The following CUEDC1 variants were observed in gnomAD, a reference collection of about 807,000 sequenced individuals.
CUEDC1 encodes CUE domain-containing protein 1.
Under a neutral mutation model 43.7 loss-of-function variants are expected in CUEDC1, and 30 were observed. The observed-to-expected ratio is 0.69, with a 90% CI of 0.51 to 0.93. The LOEUF is 0.93. CUEDC1 is among the 40% of genes least tolerant of loss of function. CUEDC1 has a pLI of 0.00. For synonymous variants in CUEDC1, 223 were observed against 223.6 expected, an observed-to-expected ratio of 1.00 and a Z score of 0.02; for missense variants, 486 against 549.0, an observed-to-expected ratio of 0.89 and a Z score of 1.15.
At chr17:57,873,230 T>C (rs2074061132) in intron 4 of CUEDC1, among the ~76,000 whole-genome samples, 1 of 152,178 alleles carries the variant, frequency 6.6e-6, no homozygotes, top group Non-Finnish European at 1.5e-5. Context: ...GTGGGGCACC[T>C]TGGGGCATGC....
chr17:57,909,424 A>G (rs1470759482), intron 1 of CUEDC1, among the ~76,000 whole-genome samples: 2 of 152,244 alleles, frequency 1.3e-5, no homozygotes, highest in African/African-American at 4.8e-5. Context: ...CTGATTCACT[A>G]TAACTGGAAG....
intron 1 of CUEDC1, among the ~76,000 whole-genome samples, chr17:57,904,726 A>G (rs1208412538): frequency 6.6e-6 from 1 of 152,104 alleles, no homozygotes; most frequent in East Asian, 1.9e-4. Flanking sequence ...TACAAAGTAA[A>G]TGGCCCTAGG....
chr17:57,888,246 C>T lies in CUEDC1; in HGVS notation c.-315-2367G>A, dbSNP rs1053572237. Among the ~76,000 whole-genome samples the T allele has an allele frequency of 2.6e-5, 4 of 152,186 alleles. No individual in the cohort carries two copies. The South Asian group carries it at 6.2e-4, about 24-fold the overall frequency. ...TACCACCATAAATGAATTTATTTTA[C>T]TAAAATGTAATCAAACCATAAATCC... is the stretch of plus-strand genomic sequence containing the variant. On this transcript the variant is annotated intron_variant, in intron 1 of 10. Coordinates refer to ENST00000577830, the MANE Select transcript of CUEDC1 (RefSeq NM_001271875.2).
chr17:57,947,924 T>C (rs1219050008), intron 1 of CUEDC1, among the ~76,000 whole-genome samples: 1 of 152,176 alleles, frequency 6.6e-6, no homozygotes, highest in Non-Finnish European at 1.5e-5. Context: ...CAAAGAAGTA[T>C]AAATGTTGAG....
chr17:57,894,529 A>C lies in CUEDC1; in HGVS notation c.-315-8650T>G, dbSNP rs1053405849. Among the ~76,000 whole-genome samples the C allele has an allele frequency of 2.0e-5, 3 of 151,504 alleles. No individual in the cohort carries two copies. In the East Asian group the frequency reaches 5.8e-4, roughly 30 times the overall value. ...CTACTGAAAATACAAAAATTAGCCC[A>C]GTGTGGTGGCGCATGCCTGTAATCC... On this transcript the variant is annotated intron_variant, in intron 1 of 10. Transcript: ENST00000577830.
chr17:57,863,445 G>A (rs1251524579), intron 10 of CUEDC1, 160 bp from the exon 11 acceptor site: 1 of 152,194 alleles, frequency 6.6e-6, no homozygotes, highest in African/African-American at 2.4e-5. Flanking sequence ...AACTCTGCCT[G>A]GGTCATCCCC....
At position 57,862,855 on chromosome 17, in the gene CUEDC1, G is replaced by A. The variant is rs999772962; in HGVS notation, c.*434C>T. 3.9e-5 allele frequency: 6 copies of A among 152,454 alleles called. No individual in the cohort carries two copies. Among genetic ancestry groups the A allele is most frequent in the Admixed American group, 3.9e-4 (6 of 15,282 alleles). The allele number at this position is 152,454 out of a possible 1,614,324, so 9.4% of individuals were successfully genotyped here. On this transcript the variant is annotated 3_prime_UTR_variant, in exon 11 of 11. Coordinates refer to ENST00000577830, the MANE Select transcript of CUEDC1 (RefSeq NM_001271875.2). ...GGGGGTCAGGCAGAGTCTGTGACAGGAGAGATAGAGAACGGACGGAGGCAG... is the reference window on the plus strand; with the variant it reads ...GGGGGTCAGGCAGAGTCTGTGACAGAAGAGATAGAGAACGGACGGAGGCAG...
chr17:57,905,482 C>T (rs572047486), intron 1 of CUEDC1, among the ~76,000 whole-genome samples: 3 of 152,156 alleles, frequency 2.0e-5, no homozygotes, highest in Non-Finnish European at 2.9e-5. Context: ...CTGAGGCTGG[C>T]GGGGAAGATG....
At chr17:57,902,259 G>A (rs2074480490) in intron 1 of CUEDC1, among the ~76,000 whole-genome samples, 1 of 151,982 alleles carries the variant, frequency 6.6e-6, no homozygotes, top group Non-Finnish European at 1.5e-5. Flanking sequence ...AACCTGGGAG[G>A]CGGAGGTTGC....
Position 57,955,016 on chromosome 17 carries a change from G to C in CUEDC1, c.-316+209C>G, listed in dbSNP as rs2075043371. On this transcript the variant is annotated intron_variant, in intron 1 of 10. Coordinates refer to ENST00000577830, the MANE Select transcript of CUEDC1 (RefSeq NM_001271875.2). The surrounding 1 kb of genome is among the most constrained non-coding windows in gnomAD (Gnocchi z 5.3). ...GGCTCGGGAAGGAAGGGCGGGCGGG[G>C]ACCTGCCGCACGCGGAGCTCCCGGG... 6.6e-6 allele frequency among the ~76,000 whole-genome samples: 1 copy of C among 151,342 alleles called. No individual in the cohort carries two copies. Among genetic ancestry groups the C allele is most frequent in the Non-Finnish European group, 1.5e-5 (1 of 67,678 alleles).
In CUEDC1 at chr17:57,927,497, C is replaced by T. The variant is rs141406584; in HGVS notation, c.-316+27728G>A. 1.1e-4 allele frequency among the ~76,000 whole-genome samples: 17 copies of T among 152,290 alleles called. No homozygotes were observed. The East Asian group carries it at 3.3e-3, about 29-fold the overall frequency. On this transcript the variant is annotated intron_variant, in intron 1 of 10. Transcript: ENST00000577830. Reference sequence around the variant, plus strand: ...GCCCACACCCTCTGGGTTGGGGCATCCAGTTTCAAGGAAGCTCCCAAGGCA... The same window carrying T: ...GCCCACACCCTCTGGGTTGGGGCATTCAGTTTCAAGGAAGCTCCCAAGGCA...
chr17:57,895,049 A>G (rs2074394336), intron 1 of CUEDC1, among the ~76,000 whole-genome samples: 1 of 152,262 alleles, frequency 6.6e-6, no homozygotes, highest in African/African-American at 2.4e-5. Context: ...ATGAGAATAG[A>G]TAACACTTAT....
chr17:57,925,478 G>C (rs1285263745), intron 1 of CUEDC1, among the ~76,000 whole-genome samples: 2 of 151,944 alleles, frequency 1.3e-5, no homozygotes, highest in Admixed American at 6.6e-5. Flanking sequence ...ATAACCAAAA[G>C]CCCATTAGCC....
intron 1 of CUEDC1, among the ~76,000 whole-genome samples, 196 bp from the exon 2 acceptor site, chr17:57,886,075 A>T (rs1356845360): frequency 1.3e-5 from 2 of 152,176 alleles, no homozygotes; most frequent in Non-Finnish European, 2.9e-5. Flanking sequence ...CAGGACAGCC[A>T]CCAGTTAGCA....
At chr17:57,939,667 C>G (rs1265423177) in intron 1 of CUEDC1, among the ~76,000 whole-genome samples, 2 of 152,160 alleles carry the variant, frequency 1.3e-5, no homozygotes, top group Non-Finnish European at 2.9e-5. Context: ...GCTCCTACCC[C>G]CTGGTGCTGC....
At chr17:57,946,730 C>A (rs907576034) in intron 1 of CUEDC1, among the ~76,000 whole-genome samples, 1 of 152,128 alleles carries the variant, frequency 6.6e-6, no homozygotes, top group Admixed American at 6.6e-5. Flanking sequence ...TTTAAGACTT[C>A]CCTAGCTCGA....
intron 3 of CUEDC1, 90 bp from the exon 4 acceptor site, chr17:57,873,807 G>A: frequency 2.2e-6 from 3 of 1,344,876 alleles, no homozygotes; most frequent in East Asian, 2.7e-5. Flanking sequence ...CAGGCAGGTC[G>A]GATCCTGCTC....
intron 1 of CUEDC1, among the ~76,000 whole-genome samples, chr17:57,903,820 C>T (rs1054758657): frequency 2.0e-5 from 3 of 151,716 alleles, no homozygotes; most frequent in East Asian, 1.9e-4. Context: ...CCTGTAGTCC[C>T]GGCTATTCAG....
Position 57,954,398 on chromosome 17 carries a change from G to A in CUEDC1, c.-316+827C>T, listed in dbSNP as rs992417343. On this transcript the variant is annotated intron_variant, in intron 1 of 10. Transcript: ENST00000577830. This position sits in a 1 kb window ranked among gnomAD's most constrained non-coding sequence, Gnocchi z 4.3. ...TCCCCTTAAAACACATTCCGTCTCAGGAATTTAATTTCAGTGTACGTTTCT... is the reference window on the plus strand; with the variant it reads ...TCCCCTTAAAACACATTCCGTCTCAAGAATTTAATTTCAGTGTACGTTTCT... 3.3e-5 allele frequency among the ~76,000 whole-genome samples: 5 copies of A among 152,202 alleles called. No individual in the cohort carries two copies. Among genetic ancestry groups the A allele is most frequent in the Non-Finnish European group, 7.3e-5 (5 of 68,040 alleles).
Sources: gnomAD v4.1 joint callset for allele counts (sites outside exome capture counted in the v4.1 genomes callset) on GRCh38, gnomAD v4.1.1 for gene constraint, Gnocchi (gnomAD v3.1) non-coding constraint, MANE v1.5 for transcripts, NCBI Gene and HGNC (gene_info 2026-07-23, HGNC 2026-07-21) for gene names.